The following PSD3 variants were observed in gnomAD, a reference collection of about 807,000 sequenced individuals.
PSD3 encodes pleckstrin and Sec7 domain containing 3, also known as PH and SEC7 domain-containing protein 3.
PSD3 carries 49 observed loss-of-function variants against 105.5 expected under a neutral mutation model. The observed-to-expected ratio is 0.46, with a 90% CI of 0.37 to 0.59. The LOEUF (loss-of-function observed/expected upper bound fraction) is 0.59. Ranked by LOEUF, PSD3 falls within the 20% of genes least tolerant of loss-of-function variation. PSD3 has a pLI of 0.00. For synonymous variants in PSD3, 557 were observed against 457.8 expected (o/e 1.22, Z -2.77); for missense variants, 1,561 against 1,263.8 (o/e 1.24, Z -3.57).
At chr8:18,558,834 A>G (rs1222141524) in intron 14 of PSD3, among the ~76,000 whole-genome samples, 1 of 152,182 alleles carries the variant, frequency 6.6e-6, no homozygotes, top group African/African-American at 2.4e-5. Flanking sequence ...AAAACAAAAC[A>G]AAACAAAACC....
In PSD3 at chr8:18,531,817, T is replaced by C. The variant is rs920746719; in HGVS notation, c.*3926A>G. 9 of 152,320 alleles carry C rather than the reference T, an allele frequency of 5.9e-5. No homozygotes were observed. Among genetic ancestry groups the C allele is most frequent in the Admixed American group, 5.2e-4 (8 of 15,300 alleles). 9.4% of individuals were successfully genotyped at this position (152,320 alleles called of 1,614,324 possible). ...TTGTTTTACAGTGCTAATTTTACAA[T>C]TGGAAAAAATTCTGTCATTTGAAAA... is the stretch of plus-strand genomic sequence containing the variant. On this transcript the variant is annotated 3_prime_UTR_variant, in exon 16 of 16. Coordinates refer to ENST00000327040, the MANE Select transcript of PSD3 (RefSeq NM_015310.4).
At chr8:18,642,860 C>G (rs748863313) in intron 10 of PSD3, among the ~76,000 whole-genome samples, 1 of 152,116 alleles carries the variant, frequency 6.6e-6, no homozygotes, top group African/African-American at 2.4e-5. Flanking sequence ...AAAAATTTGG[C>G]CTTTTAAAGC....
chr8:19,077,762 T>C (rs1016047891), intron 1 of PSD3, among the ~76,000 whole-genome samples: 2 of 152,214 alleles, frequency 1.3e-5, no homozygotes, highest in African/African-American at 4.8e-5. Flanking sequence ...TATAAATAGA[T>C]TTGCTTATTT....
At chr8:18,981,751 G>C (rs1276181500) in intron 1 of PSD3, among the ~76,000 whole-genome samples, 2 of 152,072 alleles carry the variant, frequency 1.3e-5, no homozygotes. Flanking sequence ...AGAAAACAAT[G>C]TCAATGTACA....
At chr8:18,888,649 A>C (rs1012294920) in intron 2 of PSD3, among the ~76,000 whole-genome samples, 2 of 152,192 alleles carry the variant, frequency 1.3e-5, no homozygotes, top group Non-Finnish European at 2.9e-5. Flanking sequence ...ATTTTTTATA[A>C]AACTACCCAC....
At chr8:19,061,007 G>A (rs911412093) in intron 1 of PSD3, among the ~76,000 whole-genome samples, 1 of 152,156 alleles carries the variant, frequency 6.6e-6, no homozygotes. Flanking sequence ...ACAAAACACA[G>A]TGGGGCACAT....
intron 2 of PSD3, among the ~76,000 whole-genome samples, chr8:18,875,365 G>T (rs1256136558): frequency 6.6e-6 from 1 of 152,086 alleles, no homozygotes; most frequent in Non-Finnish European, 1.5e-5. Context: ...ACAATGAATT[G>T]AAAAAGATGA....
intron 2 of PSD3, among the ~76,000 whole-genome samples, chr8:18,879,649 C>T (rs766903361): frequency 2.0e-5 from 3 of 152,140 alleles, no homozygotes; most frequent in Non-Finnish European, 4.4e-5. Context: ...GGTGCAGTGG[C>T]ACCATCATAG....
At chr8:19,020,744 T>C (rs900548484) in intron 1 of PSD3, among the ~76,000 whole-genome samples, 1 of 152,042 alleles carries the variant, frequency 6.6e-6, no homozygotes, top group Non-Finnish European at 1.5e-5. Flanking sequence ...ATTTTGAAGA[T>C]TGAGCTCACA....
chr8:19,064,307 T>A (rs1435642313), intron 1 of PSD3, among the ~76,000 whole-genome samples: 1 of 152,200 alleles, frequency 6.6e-6, no homozygotes, highest in African/African-American at 2.4e-5. Flanking sequence ...AATGCTTAAA[T>A]GGCTTCTTTT....
chr8:19,011,992 G>A (rs1393208108), intron 1 of PSD3, among the ~76,000 whole-genome samples: 2 of 152,138 alleles, frequency 1.3e-5, no homozygotes, highest in South Asian at 2.1e-4. Flanking sequence ...CAAATGGTAG[G>A]GCTAGAAGGC....
intron 12 of PSD3, among the ~76,000 whole-genome samples, chr8:18,577,526 T>A (rs1397580815): frequency 6.6e-6 from 1 of 152,112 alleles, no homozygotes; most frequent in Non-Finnish European, 1.5e-5. Context: ...TATACATATT[T>A]TAGTTGCTAT....
intron 9 of PSD3, among the ~76,000 whole-genome samples, chr8:18,657,975 T>G (rs1459808839): frequency 6.6e-6 from 1 of 152,232 alleles, no homozygotes; most frequent in East Asian, 1.9e-4. Context: ...AAATACTTTT[T>G]CCCTCAAGAA....
intron 9 of PSD3, among the ~76,000 whole-genome samples, chr8:18,747,249 C>T (rs976113679): frequency 1.3e-5 from 2 of 152,094 alleles, no homozygotes; most frequent in Admixed American, 6.5e-5. Flanking sequence ...TTGAAGTTAA[C>T]GACACTGGAA....
At position 18,582,554 on chromosome 8, in the gene PSD3, T is replaced by C. The variant is rs373135047; in HGVS notation, c.2482-7269A>G. Among the ~76,000 whole-genome samples the C allele has an allele frequency of 2.6e-3, 392 of 152,172 alleles. 1 individual carries two copies. The highest frequency in any genetic ancestry group is 9.1e-3 in the African/African-American group (378 of 41,520). On this transcript the variant is annotated intron_variant, in intron 12 of 15. Coordinates refer to ENST00000327040, the MANE Select transcript of PSD3 (RefSeq NM_015310.4). Reference sequence around the variant, plus strand: ...ACATCATCTACTTGCATGGCTTAAATTACCAATTTTTTGTTAATGACTGTT... The same window carrying C: ...ACATCATCTACTTGCATGGCTTAAACTACCAATTTTTTGTTAATGACTGTT...
In PSD3 at chr8:18,952,376, G is replaced by GA. The variant is rs1250368927; in HGVS notation, c.22-16235_22-16234insT. Among the ~76,000 whole-genome samples, 403 of 145,050 alleles carry GA rather than the reference G, an allele frequency of 2.8e-3. 2 individuals carry two copies. Among genetic ancestry groups the GA allele is most frequent in the African/African-American group, 0.01 (385 of 37,840 alleles). On this transcript the variant is annotated intron_variant, in intron 1 of 15. Transcript: ENST00000327040. ...GACCTAAAAACGGACTTGTTTCTGG[G>GA]GAAAAATAACAGAGCTCCAAATAAT...
intron 8 of PSD3, among the ~76,000 whole-genome samples, chr8:18,769,578 G>T (rs1015155356): frequency 6.6e-6 from 1 of 152,052 alleles, no homozygotes; most frequent in Non-Finnish European, 1.5e-5. Flanking sequence ...TCTACATTCA[G>T]AACATTTACT....
intron 15 of PSD3, among the ~76,000 whole-genome samples, chr8:18,545,574 G>A (rs1469430674): frequency 6.6e-6 from 1 of 152,140 alleles, no homozygotes; most frequent in Admixed American, 6.5e-5. Flanking sequence ...TGCTATCTGG[G>A]TAAGAGACTA....
chr8:19,042,620 AAGCACCTCAC>A (rs1002834967), intron 1 of PSD3, among the ~76,000 whole-genome samples: 2 of 152,206 alleles, frequency 1.3e-5, no homozygotes, highest in Admixed American at 6.5e-5. Context: ...TATAAACAAA[AAGCACCTCAC>A]AAAAATGCTT....
Sources: gnomAD v4.1 joint callset for allele counts (sites outside exome capture counted in the v4.1 genomes callset) on GRCh38, gnomAD v4.1.1 for gene constraint, MANE v1.5 for transcripts, NCBI Gene and HGNC (gene_info 2026-07-23, HGNC 2026-07-21) for gene names.